ACSS3: variants seen among roughly 807,000 people sequenced by gnomAD.
ACSS3 encodes acyl-CoA synthetase short-chain family member 3, mitochondrial.
A neutral mutation model predicts 84.2 loss-of-function variants in ACSS3; 64 were observed. The observed-to-expected ratio is 0.76, with a 90% CI of 0.62 to 0.94. The LOEUF (loss-of-function observed/expected upper bound fraction) is 0.94, where lower values mean the gene tolerates loss of function less well. ACSS3 is among the 40% of genes least tolerant of loss of function. The pLI, the probability that ACSS3 is intolerant of heterozygous loss-of-function variation, is 0.00. For synonymous variants in ACSS3, 317 were observed against 310.1 expected (o/e 1.02, Z -0.23); for missense variants, 815 against 867.6 (o/e 0.94, Z 0.76).
intron 8 of ACSS3, among the ~76,000 whole-genome samples, chr12:81,196,518 TA>T (rs2031837645): frequency 2.0e-5 from 3 of 152,290 alleles, no homozygotes; most frequent in Non-Finnish European, 4.4e-5. Context: ...AATTTTAAAC[TA>T]GATATATTTT....
rs562662212 is a variant in ACSS3 at position 81,258,027 on chromosome 12, A to G, written c.*3105A>G. 6.6e-6 allele frequency: 1 copy of G among 152,242 alleles called. No homozygotes were observed. Among genetic ancestry groups the G allele is most frequent in the Middle Eastern group, 3.4e-3 (1 of 294 alleles). 9.4% of individuals were successfully genotyped at this position (152,242 alleles called of 1,614,324 possible). A position where few individuals can be genotyped will look rare whatever the true frequency, so the allele number is the denominator to read the frequency against. ...AGTTCCTATATTCTATTTCATTTCT[A>G]TGAATCAAGATGCCCATGTTTAGAT... is the stretch of plus-strand genomic sequence containing the variant. On this transcript the variant is annotated 3_prime_UTR_variant, in exon 16 of 16. Coordinates refer to ENST00000548058, the MANE Select transcript of ACSS3 (RefSeq NM_024560.4).
At chr12:81,088,242 G>A (rs531160879) in intron 1 of ACSS3, among the ~76,000 whole-genome samples, 2 of 152,116 alleles carry the variant, frequency 1.3e-5, no homozygotes, top group Admixed American at 6.6e-5. Context: ...AATGTTTTGG[G>A]GAGTCTACCT....
chr12:81,150,135 C>T (rs1377367614), intron 5 of ACSS3, among the ~76,000 whole-genome samples: 1 of 152,128 alleles, frequency 6.6e-6, no homozygotes, highest in East Asian at 1.9e-4. Flanking sequence ...CTAGTCAATG[C>T]ATCTTACCCT....
chr12:81,109,532 TCAC>T, intron 1 of ACSS3, 25 bp from the exon 2 acceptor site: 1 of 1,593,904 alleles, frequency 6.3e-7, no homozygotes. Flanking sequence ...AAGCCATCAT[TCAC>T]CTTTACTTTC....
intron 2 of ACSS3, among the ~76,000 whole-genome samples, chr12:81,121,077 A>G (rs7299004): frequency 0.1 from 15,574 of 152,140 alleles, 1,023 homozygotes; most frequent in East Asian, 0.21. Context: ...TGACCCAGCT[A>G]TTGCAATGAT....
chr12:81,229,465 A>G (rs1413290168), intron 11 of ACSS3, among the ~76,000 whole-genome samples: 2 of 151,886 alleles, frequency 1.3e-5, no homozygotes, highest in African/African-American at 4.8e-5. Context: ...ATTCTATTTC[A>G]ATGCTTAAAA....
chr12:81,111,704 T>C (rs1883609810), intron 2 of ACSS3, among the ~76,000 whole-genome samples: 1 of 152,146 alleles, frequency 6.6e-6, no homozygotes. Flanking sequence ...CAGGGTATGG[T>C]CAAGTCAAGT....
At chr12:81,088,759 A>C (rs1391786098) in intron 1 of ACSS3, among the ~76,000 whole-genome samples, 1 of 151,974 alleles carries the variant, frequency 6.6e-6, no homozygotes, top group African/African-American at 2.4e-5. Context: ...AGTCTCAATT[A>C]ATTTTAGATT....
chr12:81,114,720 G>A lies in ACSS3; in HGVS notation c.456+5016G>A, dbSNP rs143666473. 4.7e-3 allele frequency among the ~76,000 whole-genome samples: 715 copies of A among 152,222 alleles called. 7 individuals carry two copies. Among genetic ancestry groups the A allele is most frequent in the African/African-American group, 0.015 (620 of 41,530 alleles). ...GGAATGATGCTAGTATGAGATAGAAGTTATAGTCGTTCATGCATTTCTTTT... is the reference window on the plus strand; with the variant it reads ...GGAATGATGCTAGTATGAGATAGAAATTATAGTCGTTCATGCATTTCTTTT... On this transcript the variant is annotated intron_variant, in intron 2 of 15. Transcript: ENST00000548058.
intron 1 of ACSS3, among the ~76,000 whole-genome samples, chr12:81,106,341 G>A (rs185816830): frequency 7.9e-5 from 12 of 152,210 alleles, no homozygotes; most frequent in Non-Finnish European, 8.8e-5. Flanking sequence ...AATGCCTGAT[G>A]ATTTGTCGCT....
At chr12:81,221,508 GA>G (rs1240430805) in intron 11 of ACSS3, among the ~76,000 whole-genome samples, 2 of 152,166 alleles carry the variant, frequency 1.3e-5, no homozygotes, top group African/African-American at 4.8e-5. Context: ...TAACTATATA[GA>G]AAGCTAATAG....
chr12:81,198,375 C>A (rs2031938444), intron 8 of ACSS3, among the ~76,000 whole-genome samples: 1 of 152,016 alleles, frequency 6.6e-6, no homozygotes, highest in African/African-American at 2.4e-5. Context: ...GTTATTGGAA[C>A]ATAGGAGTGG....
intron 9 of ACSS3, among the ~76,000 whole-genome samples, chr12:81,206,423 C>G (rs541787619): frequency 6.6e-6 from 1 of 152,188 alleles, no homozygotes; most frequent in Admixed American, 6.6e-5. Flanking sequence ...ATATGAATGA[C>G]TTAACTACTG....
At chr12:81,174,757 C>G (rs1312383912) in intron 7 of ACSS3, 31 bp from the exon 8 acceptor site, 3 of 1,599,130 alleles carry the variant, frequency 1.9e-6, no homozygotes, top group African/African-American at 2.7e-5. Context: ...CACATTTTAT[C>G]CAGTGACATT....
chr12:81,154,989 A>G (rs1593136259), intron 7 of ACSS3, among the ~76,000 whole-genome samples: 1 of 152,156 alleles, frequency 6.6e-6, no homozygotes, highest in Non-Finnish European at 1.5e-5. Context: ...GGCTGTGTGC[A>G]GTGCCCCTTT....
intron 2 of ACSS3, among the ~76,000 whole-genome samples, chr12:81,121,524 G>C (rs1006192494): frequency 6.6e-6 from 1 of 151,754 alleles, no homozygotes; most frequent in African/African-American, 2.4e-5. Context: ...TTATTTTAGT[G>C]TATTATTAAG....
intron 4 of ACSS3, among the ~76,000 whole-genome samples, chr12:81,141,671 T>G (rs1474076283): frequency 2.0e-5 from 3 of 152,224 alleles, no homozygotes; most frequent in Non-Finnish European, 4.4e-5. Flanking sequence ...TATCAACCTG[T>G]AATTATTTTT....
chr12:81,110,179 T>A (rs1480361436), intron 2 of ACSS3, among the ~76,000 whole-genome samples: 2 of 152,218 alleles, frequency 1.3e-5, no homozygotes, highest in African/African-American at 4.8e-5. Context: ...GAGAGTAAAA[T>A]CTAGATTGCT....
intron 2 of ACSS3, among the ~76,000 whole-genome samples, chr12:81,130,900 CTTGT>C (rs1885452408): frequency 6.6e-6 from 1 of 152,132 alleles, no homozygotes. Flanking sequence ...TTCCCCATTT[CTTGT>C]TTTTGTCAAG....
Sources: gnomAD v4.1 joint callset for allele counts (sites outside exome capture counted in the v4.1 genomes callset) on GRCh38, gnomAD v4.1.1 for gene constraint, MANE v1.5 for transcripts, NCBI Gene and HGNC (gene_info 2026-07-23, HGNC 2026-07-21) for gene names.